Variants in PPP2R5E observed in about 807,000 individuals in gnomAD.
The protein encoded by PPP2R5E is serine/threonine-protein phosphatase 2A 56 kDa regulatory subunit epsilon isoform.
PPP2R5E carries 4 observed loss-of-function variants against 65.3 expected under a neutral mutation model. The observed-to-expected ratio is 0.06, with a 90% CI of 0.03 to 0.14. PPP2R5E has a LOEUF of 0.14. Ranked by LOEUF, PPP2R5E falls within the 10% of genes least tolerant of loss-of-function variation. PPP2R5E has a pLI of 1.00. For synonymous variants in PPP2R5E, 183 were observed against 187.4 expected, an observed-to-expected ratio of 0.98 and a Z score of 0.19; for missense variants, 274 against 556.1, an observed-to-expected ratio of 0.49 and a Z score of 5.10.
At chr14:63,443,348 C>T (rs886991554) in intron 3 of PPP2R5E, among the ~76,000 whole-genome samples, 24 of 152,056 alleles carry the variant, frequency 1.6e-4, no homozygotes, top group African/African-American at 5.8e-4. Context: ...ACTTTGAAAC[C>T]AAGAAAAGCC....
chr14:63,389,517 A>G (rs1156391383), intron 11 of PPP2R5E, 95 bp downstream of exon 11: 4 of 1,356,698 alleles, frequency 2.9e-6, no homozygotes, highest in South Asian at 1.6e-5. Context: ...CAAATAAACA[A>G]TAGGTAGCTA....
intron 3 of PPP2R5E, chr14:63,453,482 C>G (rs1888962654): frequency 2.5e-6 from 1 of 399,140 alleles, no homozygotes; most frequent in African/African-American, 2.0e-5. Context: ...TGCTTCAGCA[C>G]TGTCGTAGTT....
At chr14:63,523,160 G>C (rs1268710576) in intron 2 of PPP2R5E, among the ~76,000 whole-genome samples, 1 of 151,214 alleles carries the variant, frequency 6.6e-6, no homozygotes, top group East Asian at 2.0e-4. Context: ...CGCCCCTACT[G>C]GGAGGTGAGG....
intron 7 of PPP2R5E, among the ~76,000 whole-genome samples, chr14:63,394,824 A>G (rs1885231712): frequency 6.6e-6 from 1 of 152,238 alleles, no homozygotes; most frequent in South Asian, 2.1e-4. Context: ...CAAGGACTAT[A>G]CCTGGATACA....
At chr14:63,532,310 A>G (rs1006878999) in intron 2 of PPP2R5E, among the ~76,000 whole-genome samples, 2 of 152,096 alleles carry the variant, frequency 1.3e-5, no homozygotes, top group East Asian at 3.9e-4. Context: ...ATATGGCTGT[A>G]TTATCTATTC....
At chr14:63,393,005 A>G (rs1253013441) in intron 8 of PPP2R5E, among the ~76,000 whole-genome samples, 1 of 150,376 alleles carries the variant, frequency 6.6e-6, no homozygotes, top group Non-Finnish European at 1.5e-5. Flanking sequence ...GGCTTAAAGG[A>G]AAAAAAAAAT....
chr14:63,423,496 C>T (rs1016727323), intron 3 of PPP2R5E, among the ~76,000 whole-genome samples: 7 of 152,166 alleles, frequency 4.6e-5, no homozygotes, highest in African/African-American at 1.4e-4. Context: ...CACTCACCCA[C>T]TCATCTTTCT....
At chr14:63,410,235 T>G (rs186832574) in intron 5 of PPP2R5E, among the ~76,000 whole-genome samples, 1 of 151,874 alleles carries the variant, frequency 6.6e-6, no homozygotes, top group Non-Finnish European at 1.5e-5. Flanking sequence ...CCACAGAAAA[T>G]AGAAATCTGC....
At chr14:63,448,177 G>C (rs1319835586) in intron 3 of PPP2R5E, among the ~76,000 whole-genome samples, 1 of 151,714 alleles carries the variant, frequency 6.6e-6, no homozygotes, top group Non-Finnish European at 1.5e-5. Flanking sequence ...GGCGCCTGTA[G>C]TCCCAGCTAC....
chr14:63,401,004 A>G (rs746477976), intron 5 of PPP2R5E, among the ~76,000 whole-genome samples: 2 of 152,220 alleles, frequency 1.3e-5, no homozygotes, highest in Non-Finnish European at 2.9e-5. Context: ...ATACACAATA[A>G]TTAAGCAAGA....
At chr14:63,514,724 G>A (rs1488240661) in intron 2 of PPP2R5E, among the ~76,000 whole-genome samples, 1 of 152,106 alleles carries the variant, frequency 6.6e-6, no homozygotes, top group South Asian at 2.1e-4. Flanking sequence ...AATCGTAAAT[G>A]GACATGGAAT....
At chr14:63,381,256 C>A (rs746851136) in intron 13 of PPP2R5E, among the ~76,000 whole-genome samples, 1 of 152,144 alleles carries the variant, frequency 6.6e-6, no homozygotes, top group Admixed American at 6.5e-5. Context: ...GACTATTAAC[C>A]TTCATGTTCT....
At chr14:63,475,892 T>A (rs1277551215) in intron 2 of PPP2R5E, among the ~76,000 whole-genome samples, 1 of 152,064 alleles carries the variant, frequency 6.6e-6, no homozygotes, top group Non-Finnish European at 1.5e-5. Context: ...CAAGCTAAAA[T>A]GAAAAAACAT....
chr14:63,524,877 G>A lies in PPP2R5E; in HGVS notation c.157+14652C>T, dbSNP rs190362515. Among the ~76,000 whole-genome samples the A allele has an allele frequency of 1.2e-3, 188 of 152,196 alleles. 1 individual carries two copies. The highest frequency in any genetic ancestry group is 4.3e-3 in the African/African-American group (180 of 41,528). On this transcript the variant is annotated intron_variant, in intron 2 of 13. Coordinates refer to ENST00000337537, the MANE Select transcript of PPP2R5E (RefSeq NM_006246.5). ...CTTTCTCACCACCTTCAGTCTCCTC[G>A]TAATTTTTAGAGTACTTGCAAAAAC... is the stretch of plus-strand genomic sequence containing the variant.
intron 11 of PPP2R5E, among the ~76,000 whole-genome samples, chr14:63,387,534 A>G (rs1884743898): frequency 6.6e-6 from 1 of 151,964 alleles, no homozygotes; most frequent in South Asian, 2.1e-4. Flanking sequence ...CGGCCACTCA[A>G]TAAATGGATG....
Position 63,375,256 on chromosome 14 carries a change from G to C in PPP2R5E, c.*753C>G, listed in dbSNP as rs1883924062. Reference sequence around the variant, plus strand: ...AGGTACTGAAGCCTGTGATGTCCCAGTGCCTGTTTTCAAAGGATTCAAGAC... The same window carrying C: ...AGGTACTGAAGCCTGTGATGTCCCACTGCCTGTTTTCAAAGGATTCAAGAC... On this transcript the variant is annotated 3_prime_UTR_variant, in exon 14 of 14. Transcript: ENST00000337537. The C allele has an allele frequency of 6.6e-6, 1 of 152,602 alleles. No individual in the cohort carries two copies. The highest frequency in any genetic ancestry group is 2.4e-5 in the African/African-American group (1 of 41,446). 9.5% of individuals were successfully genotyped at this position (152,602 alleles called of 1,614,324 possible). A position where few individuals can be genotyped will look rare whatever the true frequency, so the allele number is the denominator to read the frequency against.
At chr14:63,379,933 C>G (rs1198747779) in intron 13 of PPP2R5E, among the ~76,000 whole-genome samples, 1 of 144,374 alleles carries the variant, frequency 6.9e-6, no homozygotes, top group Non-Finnish European at 1.5e-5. Flanking sequence ...CTCCCGGGTT[C>G]AACTGACCCT....
chr14:63,459,738 A>C (rs1443707708), intron 2 of PPP2R5E, among the ~76,000 whole-genome samples: 1 of 152,192 alleles, frequency 6.6e-6, no homozygotes, highest in African/African-American at 2.4e-5. Flanking sequence ...GACTCCAGTG[A>C]TTTCAGTATG....
chr14:63,405,735 G>A (rs1886034901), intron 5 of PPP2R5E, among the ~76,000 whole-genome samples: 1 of 152,116 alleles, frequency 6.6e-6, no homozygotes, highest in South Asian at 2.1e-4. Context: ...GAAGGGGTTG[G>A]GGGATCATAA....
Sources: allele counts gnomAD v4.1 joint callset (sites outside exome capture counted in the v4.1 genomes callset), GRCh38; gene constraint gnomAD v4.1.1; transcripts MANE v1.5; gene names NCBI Gene and HGNC (gene_info 2026-07-23, HGNC 2026-07-21).